The following COL25A1 variants were observed in gnomAD, a reference collection of about 807,000 sequenced individuals.
COL25A1 encodes the protein collagen alpha-1(XXV) chain.
Under a neutral mutation model 128.4 loss-of-function variants are expected in COL25A1, and 103 were observed. The ratio of observed to expected loss-of-function variants is 0.80; its 90% CI spans 0.68 to 0.94. The LOEUF (loss-of-function observed/expected upper bound fraction) is 0.94, where lower values mean the gene tolerates loss of function less well. Ranked by LOEUF, COL25A1 falls within the 40% of genes least tolerant of loss-of-function variation. The probability of loss-of-function intolerance (pLI) is 0.00; values close to 1 mark genes in which losing one functional copy is unlikely to be tolerated. For synonymous variants in COL25A1, 279 were observed against 277.2 expected (o/e 1.01, Z -0.06); for missense variants, 745 against 840.0 (o/e 0.89, Z 1.40).
At chr4:109,200,307 G>T (rs990510695) in intron 3 of COL25A1, among the ~76,000 whole-genome samples, 6 of 152,188 alleles carry the variant, frequency 3.9e-5, no homozygotes, top group East Asian at 3.8e-4. Context: ...TGAAAGCATA[G>T]TCTACAATCA....
intron 3 of COL25A1, among the ~76,000 whole-genome samples, chr4:109,204,720 G>A (rs950939225): frequency 1.6e-4 from 25 of 152,054 alleles, no homozygotes; most frequent in Admixed American, 7.2e-4. Context: ...TCCTGCAAAC[G>A]AAAACATTTT....
At chr4:108,961,591 G>GTTCTGTTCTGTTCTA (rs1344438005) in intron 8 of COL25A1, among the ~76,000 whole-genome samples, 1 of 151,580 alleles carries the variant, frequency 6.6e-6, no homozygotes, top group Non-Finnish European at 1.5e-5. Context: ...GTTCTGTTCT[G>GTTCTGTTCTGTTCTA]TTCTGTTCTG....
intron 3 of COL25A1, among the ~76,000 whole-genome samples, chr4:109,197,478 A>AT (rs1325094077): frequency 2.2e-4 from 26 of 117,412 alleles, no homozygotes; most frequent in Non-Finnish European, 3.7e-4. Context: ...TATAATATAT[A>AT]TTATATATTA....
At chr4:109,205,634 T>G (rs1193717167) in intron 3 of COL25A1, among the ~76,000 whole-genome samples, 1 of 152,204 alleles carries the variant, frequency 6.6e-6, no homozygotes, top group Non-Finnish European at 1.5e-5. Flanking sequence ...CCTGATCATT[T>G]ACCCAGACTT....
chr4:108,829,385 GTGTATCTA>G (rs1732785895), intron 32 of COL25A1, among the ~76,000 whole-genome samples: 1 of 114,940 alleles, frequency 8.7e-6, no homozygotes, highest in Non-Finnish European at 1.8e-5. Context: ...ATGTGTAAGT[GTGTATCTA>G]TCTATCTATC....
intron 3 of COL25A1, among the ~76,000 whole-genome samples, chr4:109,098,818 C>T (rs943192807): frequency 6.6e-6 from 1 of 152,194 alleles, no homozygotes; most frequent in Non-Finnish European, 1.5e-5. Flanking sequence ...CCAATGTTAA[C>T]TGCAAACTTT....
At chr4:109,153,434 G>A (rs1771717376) in intron 3 of COL25A1, among the ~76,000 whole-genome samples, 1 of 147,382 alleles carries the variant, frequency 6.8e-6, no homozygotes, top group African/African-American at 2.5e-5. Flanking sequence ...AACCAAAAAA[G>A]AAAGGAAAAA....
intron 8 of COL25A1, among the ~76,000 whole-genome samples, chr4:108,965,423 A>C (rs1751179398): frequency 6.6e-6 from 1 of 152,252 alleles, no homozygotes; most frequent in South Asian, 2.1e-4. Context: ...TATATAATCA[A>C]AAGATAACTT....
intron 6 of COL25A1, among the ~76,000 whole-genome samples, chr4:108,979,590 T>C (rs929301922): frequency 1.8e-4 from 28 of 152,308 alleles, no homozygotes; most frequent in Middle Eastern, 3.4e-3. Context: ...GAGCAAATGC[T>C]GGGAATTCTT....
intron 5 of COL25A1, among the ~76,000 whole-genome samples, chr4:109,013,759 G>GTA (rs1756932257): frequency 6.6e-6 from 1 of 152,124 alleles, no homozygotes; most frequent in Non-Finnish European, 1.5e-5. Flanking sequence ...GAACCCAACC[G>GTA]AAGGAAGAAA....
chr4:108,891,246 T>G (rs1282869523), intron 16 of COL25A1, among the ~76,000 whole-genome samples: 1 of 152,192 alleles, frequency 6.6e-6, no homozygotes, highest in Non-Finnish European at 1.5e-5. Context: ...AATAGCAAAT[T>G]AGCTTGTTAA....
rs993070547 is a variant in COL25A1 at position 109,302,209 on chromosome 4, T to C, written c.-97A>G. On this transcript the variant is annotated 5_prime_UTR_variant, in exon 1 of 38. An upstream start codon of the reference 5' UTR is lost. Coordinates refer to ENST00000399132, the MANE Select transcript of COL25A1 (RefSeq NM_198721.4). Reference sequence around the variant, plus strand: ...CGTCCAGACCCGCAGGCGTGCACCATCCCCGCTTTCTTCTCTCCTCCCAGC... The same window carrying C: ...CGTCCAGACCCGCAGGCGTGCACCACCCCCGCTTTCTTCTCTCCTCCCAGC... 2 of 648,610 alleles carry C rather than the reference T, an allele frequency of 3.1e-6. No individual in the cohort carries two copies. The highest frequency in any genetic ancestry group is 2.5e-6 in the Non-Finnish European group (1 of 406,716). 40.2% of individuals were successfully genotyped at this position (648,610 alleles called of 1,614,324 possible). A position where few individuals can be genotyped will look rare whatever the true frequency, so the allele number is the denominator to read the frequency against.
At chr4:108,923,255 T>A (rs1745675807) in intron 11 of COL25A1, among the ~76,000 whole-genome samples, 1 of 152,208 alleles carries the variant, frequency 6.6e-6, no homozygotes, top group Non-Finnish European at 1.5e-5. Flanking sequence ...GATGATTACA[T>A]TTGATTAGTC....
At chr4:109,008,284 C>T (rs1239757171) in intron 6 of COL25A1, among the ~76,000 whole-genome samples, 2 of 152,132 alleles carry the variant, frequency 1.3e-5, no homozygotes, top group Admixed American at 1.3e-4. Context: ...CTTCCTTGTC[C>T]CTCTTTGGGA....
At chr4:109,109,432 C>T (rs534637788) in intron 3 of COL25A1, among the ~76,000 whole-genome samples, 3 of 152,124 alleles carry the variant, frequency 2.0e-5, no homozygotes, top group Admixed American at 6.5e-5. Context: ...GGGTTTTTGC[C>T]ATGTTGGCCA....
chr4:108,886,477 TGTGTGTGTGTGTG>T (rs1560806294), intron 18 of COL25A1, among the ~76,000 whole-genome samples: 8 of 129,996 alleles, frequency 6.2e-5, no homozygotes, highest in South Asian at 6.2e-4. Context: ...TGTGTGTGTG[TGTGTGTGTGTGTG>T]TGTTTAGCTC....
At chr4:108,904,527 A>C (rs1303778951) in intron 13 of COL25A1, among the ~76,000 whole-genome samples, 1 of 152,152 alleles carries the variant, frequency 6.6e-6, no homozygotes, top group East Asian at 1.9e-4. Context: ...CCTCTAAATA[A>C]AGTTGTAATG....
chr4:109,013,906 A>C (rs1267410222), intron 5 of COL25A1, among the ~76,000 whole-genome samples: 1 of 152,104 alleles, frequency 6.6e-6, no homozygotes, highest in Non-Finnish European at 1.5e-5. Context: ...CAGACACAAA[A>C]TTACAAACAT....
At chr4:108,832,048 C>CT (rs5860949) in intron 32 of COL25A1, among the ~76,000 whole-genome samples, 35,871 of 152,028 alleles carry the variant, frequency 0.24, 4,338 homozygotes, top group African/African-American at 0.3. Flanking sequence ...ATACATACTC[C>CT]GGAAATTTTA....
Sources: allele counts gnomAD v4.1 joint callset (sites outside exome capture counted in the v4.1 genomes callset), GRCh38; gene constraint gnomAD v4.1.1; transcripts MANE v1.5; gene names NCBI Gene and HGNC (gene_info 2026-07-23, HGNC 2026-07-21).